HTT: variants seen among roughly 807,000 people sequenced by gnomAD.
HTT encodes the protein huntington disease protein.
A neutral mutation model predicts 362.3 loss-of-function variants in HTT; 104 were observed. The observed-to-expected ratio is 0.29, with a 90% CI of 0.24 to 0.34. The LOEUF is 0.34. Ranked by LOEUF, HTT falls within the 10% of genes least tolerant of loss-of-function variation. The pLI is 1.00. For synonymous variants in HTT, 1,577 were observed against 1,548.7 expected, an observed-to-expected ratio of 1.02 and a Z score of -0.43; for missense variants, 3,301 against 3,928.6, an observed-to-expected ratio of 0.84 and a Z score of 4.27.
chr4:3,094,925 G>C (rs2110150871), intron 2 of HTT, among the ~76,000 whole-genome samples: 1 of 152,162 alleles, frequency 6.6e-6, no homozygotes, highest in African/African-American at 2.4e-5. Flanking sequence ...TCACATCTCA[G>C]ACGGGGCGGC....
rs757721942 is a variant in HTT at position 3,178,317 on chromosome 4, C to T, written c.4483C>T (p.Pro1495Ser). Residue 1495 changes from proline (P) to serine (S), a missense_variant, in exon 35 of 67, where the codon CCA becomes TCA. Around this residue, in one of 4 missense-constraint regions of HTT, gnomAD observed 2,316 missense variants for 2,658.5 expected, o/e 0.87. Coordinates refer to ENST00000355072, the MANE Select transcript of HTT (RefSeq NM_001388492.1). ...GQFRESEAIIPNIFFFLVLLS... is the reference protein window; with the variant it reads ...GQFRESEAIISNIFFFLVLLS... ...TTTTAGGGAATCAGAGGCAATCATT[C>T]CAAACATCTTTTTCTTCTTGGTATT... 4.9e-5 allele frequency: 79 copies of T among 1,609,010 alleles called. No homozygotes were observed. Among genetic ancestry groups the T allele is most frequent in the Non-Finnish European group, 6.3e-5 (74 of 1,176,058 alleles).
intron 64 of HTT, among the ~76,000 whole-genome samples, chr4:3,238,050 G>A (rs572655728): frequency 2.0e-5 from 3 of 152,280 alleles, no homozygotes; most frequent in Admixed American, 6.5e-5. Flanking sequence ...TTCCCGCTGC[G>A]CCGTTTCTGC....
At chr4:3,106,581 G>T (rs1211283323) in intron 5 of HTT, among the ~76,000 whole-genome samples, 1 of 152,160 alleles carries the variant, frequency 6.6e-6, no homozygotes, top group East Asian at 1.9e-4. Context: ...TCCCAGTGCC[G>T]TTTAGATAGA....
intron 60 of HTT, among the ~76,000 whole-genome samples, chr4:3,231,391 G>A (rs188901966): frequency 1.3e-5 from 2 of 151,940 alleles, no homozygotes; most frequent in Admixed American, 6.6e-5. Flanking sequence ...TCTTCCTCCC[G>A]CACCCCCACC....
rs764639811 is a variant in HTT at position 3,222,398 on chromosome 4, C to T, written c.7381C>T (p.Arg2461Cys). The change falls in exon 54 of 67, where the codon CGT becomes TGT. Residue 2461 changes from arginine to cysteine, a missense_variant. Arg to Cys is a radical substitution (Grantham distance 180, BLOSUM62 -3). Around this residue, in one of 4 missense-constraint regions of HTT, gnomAD observed 753 missense variants for 1,021.3 expected, o/e 0.74. Transcript: ENST00000355072. ...ATTTATATTTCTAGGCTGGACCAGT[C>T]GTACTCAGTTTGAAGAAACTTGGGC... ...YRINTLGWTS[R>C]TQFEETWATL... The T allele has an allele frequency of 7.4e-6, 12 of 1,613,560 alleles. No homozygotes were observed. Among genetic ancestry groups the T allele is most frequent in the South Asian group, 3.3e-5 (3 of 91,084 alleles).
rs1020132700 is a variant in HTT, at chr4:3,127,668, C to T, written c.1743+64C>T. ...TTTTATTTGAGACAGAGTCTCACTC[C>T]ATAGTGCAGTGGAGGCCGGGCACAG... On this transcript the variant is annotated intron_variant, in intron 12 of 66. Transcript: ENST00000355072. The T allele has an allele frequency of 2.4e-6, 3 of 1,251,504 alleles. No individual in the cohort carries two copies. In the African/African-American group the frequency reaches 4.5e-5, roughly 19 times the overall value. 77.5% of individuals were successfully genotyped at this position (1,251,504 alleles called of 1,614,324 possible).
chr4:3,172,283 C>G, intron 29 of HTT, 37 bp from the exon 30 acceptor site: 2 of 1,140,136 alleles, frequency 1.8e-6, no homozygotes, highest in East Asian at 2.3e-5. Context: ...AACGGGTCAT[C>G]TCTGAGTCGC....
rs549234881 is a variant in HTT at position 3,190,083 on chromosome 4, C to T, written c.5368+990C>T. On this transcript the variant is annotated intron_variant, in intron 40 of 66. Transcript: ENST00000355072. ...GATGGGCCAATCACAGTGGCTTATG[C>T]CTGTAATCCCAACACTTTGGGAGGT... 5.9e-5 allele frequency among the ~76,000 whole-genome samples: 9 copies of T among 152,146 alleles called. No homozygotes were observed. The East Asian group carries it at 1.7e-3, about 29-fold the overall frequency.
chr4:3,145,073 T>G, intron 23 of HTT, 79 bp from the exon 24 acceptor site: 1 of 1,064,418 alleles, frequency 9.4e-7, no homozygotes, highest in Non-Finnish European at 1.5e-6. Flanking sequence ...TTTGTACTTT[T>G]TATAAAGGGT....
At chr4:3,214,604 T>C (rs772631433) in intron 50 of HTT, among the ~76,000 whole-genome samples, 3 of 152,238 alleles carry the variant, frequency 2.0e-5, no homozygotes, top group Non-Finnish European at 4.4e-5. Flanking sequence ...CAAGGGTCAT[T>C]AGCCACAATT....
intron 2 of HTT, among the ~76,000 whole-genome samples, chr4:3,096,700 C>G (rs1033450498): frequency 6.6e-6 from 1 of 152,170 alleles, no homozygotes; most frequent in Admixed American, 6.5e-5. Context: ...TTGTGGGGTG[C>G]TGTTACAGCA....
At chr4:3,076,735 A>G (rs1712573934) in intron 1 of HTT, among the ~76,000 whole-genome samples, 1 of 152,238 alleles carries the variant, frequency 6.6e-6, no homozygotes, top group South Asian at 2.1e-4. Flanking sequence ...CATTCTAAAA[A>G]TATGCCTTCT....
At position 3,172,946 on chromosome 4, in the gene HTT, G is replaced by T; in HGVS notation, c.3981G>T (p.Gln1327His). The change falls in exon 31 of 67, where the codon CAG becomes CAT. Residue 1327 changes from glutamine to histidine, a missense_variant. Gln to His is a conservative substitution (Grantham distance 24). This residue lies in a region of HTT where 2,316 missense variants were observed against 2,658.5 expected (regional missense o/e 0.87). Coordinates refer to ENST00000355072, the MANE Select transcript of HTT (RefSeq NM_001388492.1). ...TCTTTGGCACAAACTTGGCCTCCCA[G>T]TTTGATGGCTTATCTTCCAACCCCA... ...KTLFGTNLAS[Q>H]FDGLSSNPSK... is the part of the protein sequence containing the mutation. The T allele has an allele frequency of 6.2e-7, 1 of 1,614,214 alleles. No homozygotes were observed. The highest frequency in any genetic ancestry group is 8.5e-7 in the Non-Finnish European group (1 of 1,180,036).
At chr4:3,109,438 T>C (rs1326719585) in intron 6 of HTT, among the ~76,000 whole-genome samples, 2 of 152,142 alleles carry the variant, frequency 1.3e-5, no homozygotes, top group Admixed American at 1.3e-4. Flanking sequence ...TTGGTCAGGC[T>C]GGTCTCGAAC....
rs192700107 is a variant in HTT, at chr4:3,153,719, C to T, written c.3499-574C>T. ...GGGAGGATCACTGGAGCTTGGAGTT[C>T]GAGACCAGCCTGGGCATCATAGTGT... On this transcript the variant is annotated intron_variant, in intron 26 of 66. Transcript: ENST00000355072. 3.1e-4 allele frequency among the ~76,000 whole-genome samples: 47 copies of T among 152,016 alleles called. No homozygotes were observed. In the East Asian group the frequency reaches 7.5e-3, roughly 24 times the overall value.
At position 3,148,100 on chromosome 4, in the gene HTT, G is replaced by T; in HGVS notation, c.3391G>T (p.Asp1131Tyr). The T allele has an allele frequency of 1.2e-6, 2 of 1,614,022 alleles. No individual in the cohort carries two copies. Among genetic ancestry groups the T allele is most frequent in the South Asian group, 1.1e-5 (1 of 91,066 alleles). The change falls in exon 26 of 67, where the codon GAC (aspartate) becomes TAC (tyrosine). Residue 1131 changes from aspartate to tyrosine, a missense_variant. Coordinates refer to ENST00000355072, the MANE Select transcript of HTT (RefSeq NM_001388492.1). ...KQEEVWPALGDRALVPMVEQL... is the reference protein window; with the variant it reads ...KQEEVWPALGYRALVPMVEQL... ...AGAGGAGGTCTGGCCAGCCCTGGGGGACCGGGCCCTGGTGCCCATGGTGGA... is the reference window on the plus strand; with the variant it reads ...AGAGGAGGTCTGGCCAGCCCTGGGGTACCGGGCCCTGGTGCCCATGGTGGA...
At chr4:3,147,194 A>C (rs558331312) in intron 25 of HTT, among the ~76,000 whole-genome samples, 1 of 152,170 alleles carries the variant, frequency 6.6e-6, no homozygotes, top group African/African-American at 2.4e-5. Flanking sequence ...AAGTAAACTC[A>C]TTTTGAATTT....
At chr4:3,130,696 A>G (rs1560560936) in intron 14 of HTT, among the ~76,000 whole-genome samples, 2 of 152,180 alleles carry the variant, frequency 1.3e-5, no homozygotes. Flanking sequence ...TGGATCATTC[A>G]TTTGATGGTT....
intron 66 of HTT, 149 bp from the exon 67 acceptor site, chr4:3,239,697 G>C: frequency 1.6e-6 from 1 of 628,964 alleles, no homozygotes. Flanking sequence ...TGCAGCTGGA[G>C]GCATCCAGGT....
Sources: gnomAD v4.1 joint callset for allele counts (sites outside exome capture counted in the v4.1 genomes callset) on GRCh38, gnomAD v4.1.1 for gene constraint, gnomAD v4.1.1 regional missense constraint, MANE v1.5 for transcripts, NCBI Gene and HGNC (gene_info 2026-07-23, HGNC 2026-07-21) for gene names.